Variants in MCRIP1 observed in about 807,000 individuals in gnomAD.
The protein encoded by MCRIP1 is mapk-regulated corepressor-interacting protein 1.
MCRIP1 carries 10 observed loss-of-function variants against 14.4 expected under a neutral mutation model. The ratio of observed to expected loss-of-function variants is 0.70; its 90% CI spans 0.43 to 1.18. The LOEUF (loss-of-function observed/expected upper bound fraction) is 1.18. Ranked by LOEUF, MCRIP1 falls within the 50% of genes most tolerant of loss-of-function variation. The pLI is 0.00. For missense variants in MCRIP1, 119 were observed against 135.4 expected (o/e 0.88, Z 0.60); for synonymous variants, 53 against 55.7 (o/e 0.95, Z 0.21).
At chr17:81,825,593 G>A (rs1451827012) in intron 1 of MCRIP1, 8 of 1,289,188 alleles carry the variant, frequency 6.2e-6, no homozygotes, top group Middle Eastern at 2.1e-4. Flanking sequence ...GGCTCATTCC[G>A]CCTCATGTCA....
In MCRIP1 at chr17:81,822,603, C is replaced by T. The variant is rs1187469706; in HGVS notation, c.*644G>A. 6.5e-6 allele frequency: 1 copy of T among 153,478 alleles called. No individual in the cohort carries two copies. Among genetic ancestry groups the T allele is most frequent in the Non-Finnish European group, 1.4e-5 (1 of 68,986 alleles). 9.5% of individuals were successfully genotyped at this position (153,478 alleles called of 1,614,324 possible). ...CCCTGCCCAGGGGCCACTGTGACCG[C>T]AGACACCAGGAGGCCAGGCCTGGTT... is the stretch of plus-strand genomic sequence containing the variant. On this transcript the variant is annotated 3_prime_UTR_variant, in exon 5 of 5. Transcript: ENST00000455127.
Position 81,823,062 on chromosome 17 carries a change from C to G in MCRIP1, c.*185G>C, listed in dbSNP as rs2038303288. The G allele has an allele frequency of 2.0e-5, 13 of 651,852 alleles. No homozygotes were observed. The South Asian group carries it at 2.3e-4, about 12-fold the overall frequency. The allele number at this position is 651,852 out of a possible 1,614,324, so 40.4% of individuals were successfully genotyped here. On this transcript the variant is annotated 3_prime_UTR_variant, in exon 5 of 5. Coordinates refer to ENST00000455127, the MANE Select transcript of MCRIP1 (RefSeq NM_207368.5). This position sits in a 1 kb window ranked among gnomAD's most constrained non-coding sequence, Gnocchi z 6.0. ...CCCCATGATGGGGGCAGCCTGAGAC[C>G]CCCAAGGATGAAGGAAGGGGGCTTG...
intron 1 of MCRIP1, 100 bp downstream of exon 1, chr17:81,833,128 CGCCCGGCCCT>C (rs1219737686): frequency 6.8e-6 from 1 of 146,968 alleles, no homozygotes; most frequent in Non-Finnish European, 1.5e-5. Context: ...CGCCCGGCCC[CGCCCGGCCCT>C]GCAGGGCACC....
Position 81,822,947 on chromosome 17 carries a change from G to C in MCRIP1, c.*300C>G. On this transcript the variant is annotated 3_prime_UTR_variant, in exon 5 of 5. Coordinates refer to ENST00000455127, the MANE Select transcript of MCRIP1 (RefSeq NM_207368.5). ...GGCAGGAGGGTGAGGGGAGAGGAGAGAGGTCAGGTCAGGGCCCCTGGGGGC... is the reference window on the plus strand; with the variant it reads ...GGCAGGAGGGTGAGGGGAGAGGAGACAGGTCAGGTCAGGGCCCCTGGGGGC... The C allele has an allele frequency of 1.8e-6, 1 of 557,704 alleles. No individual in the cohort carries two copies. 34.5% of individuals were successfully genotyped at this position (557,704 alleles called of 1,614,324 possible).
rs143676852 is a variant in MCRIP1, at chr17:81,828,921, G to C, written c.-49+4317C>G. On this transcript the variant is annotated intron_variant, in intron 1 of 4. Transcript: ENST00000455127. ...TAGCATAGTGAGGCACACAGCTGAG[G>C]GGGGAGGGCAGGAAGTGTGGCTGGC... Among the ~76,000 whole-genome samples, 837 of 152,302 alleles carry C rather than the reference G, an allele frequency of 5.5e-3. 5 individuals are homozygous for C. The highest frequency in any genetic ancestry group is 0.019 in the African/African-American group (773 of 41,564).
At chr17:81,831,377 G>T (rs1160904341) in intron 1 of MCRIP1, among the ~76,000 whole-genome samples, 1 of 144,900 alleles carries the variant, frequency 6.9e-6, no homozygotes, top group African/African-American at 2.7e-5. Flanking sequence ...AAACAAAAAA[G>T]GGCCCCATCT....
intron 1 of MCRIP1, chr17:81,825,083 C>A: frequency 2.0e-6 from 2 of 1,013,578 alleles, no homozygotes; most frequent in Non-Finnish European, 2.4e-6. Flanking sequence ...CCCAGCTCCC[C>A]GGCACCTACC....
At position 81,825,501 on chromosome 17, in the gene MCRIP1, G is replaced by A. The variant is rs545318021; in HGVS notation, c.-48-947C>T. 35 of 1,224,130 alleles carry A rather than the reference G, an allele frequency of 2.9e-5. No homozygotes were observed. In the South Asian group the frequency reaches 4.8e-4, roughly 17 times the overall value. The allele number at this position is 1,224,130 out of a possible 1,614,324, so 75.8% of individuals were successfully genotyped here. On this transcript the variant is annotated intron_variant, in intron 1 of 4. Coordinates refer to ENST00000455127, the MANE Select transcript of MCRIP1 (RefSeq NM_207368.5). ...CAAGCAACTCCCCTGCCCACCCAGA[G>A]GCCCAAGGCTGCAGATACTCCAGGG...
In MCRIP1 at chr17:81,823,486, C is replaced by T. The variant is rs1457454419; in HGVS notation, c.155G>A (p.Arg52Gln). ...EAWQGVERDL[R>Q]GQVPGGERGL... ...CCGCTCGCCACCCGGCACCTGGCCT[C>T]GCAGGTCTCGCTCCACACCCTGCCA... The change falls in exon 4 of 5, where the codon CGA becomes CAA. Residue 52 changes from arginine (R) to glutamine (Q), a missense_variant. Coordinates refer to ENST00000455127, the MANE Select transcript of MCRIP1 (RefSeq NM_207368.5). This position sits in a 1 kb window ranked among gnomAD's most constrained non-coding sequence, Gnocchi z 6.0. 2.0e-5 allele frequency: 30 copies of T among 1,536,386 alleles called. No homozygotes were observed. Among genetic ancestry groups the T allele is most frequent in the Admixed American group, 3.9e-5 (2 of 50,968 alleles).
chr17:81,824,705 G>A (rs2038352662), intron 1 of MCRIP1, 151 bp from the exon 2 acceptor site: 3 of 1,457,050 alleles, frequency 2.1e-6, no homozygotes, highest in South Asian at 1.4e-5. Context: ...CACAGGCTGG[G>A]GTCCAGCCAC....
rs1230888573 is a variant in MCRIP1, at chr17:81,823,149, G to A, written c.*98C>T. 6 of 1,201,420 alleles carry A rather than the reference G, an allele frequency of 5.0e-6. No individual in the cohort carries two copies. Among genetic ancestry groups the A allele is most frequent in the Non-Finnish European group, 7.1e-6 (6 of 844,374 alleles). The allele number at this position is 1,201,420 out of a possible 1,614,324, so 74.4% of individuals were successfully genotyped here. A position where few individuals can be genotyped will look rare whatever the true frequency, so the allele number is the denominator to read the frequency against. Reference sequence around the variant, plus strand: ...GTGCTGGGATCTGCAGCCCGCTGGAGCAAGGCACCCCCATCCCAGGGGCAG... The same window carrying A: ...GTGCTGGGATCTGCAGCCCGCTGGAACAAGGCACCCCCATCCCAGGGGCAG... On this transcript the variant is annotated 3_prime_UTR_variant, in exon 5 of 5. Coordinates refer to ENST00000455127, the MANE Select transcript of MCRIP1 (RefSeq NM_207368.5). The surrounding 1 kb of genome is among the most constrained non-coding windows in gnomAD (Gnocchi z 6.0).
Position 81,823,245 on chromosome 17 carries a change from C to T in MCRIP1, c.*2G>A. 6.5e-7 allele frequency: 1 copy of T among 1,536,442 alleles called. No homozygotes were observed. Among genetic ancestry groups the T allele is most frequent in the Non-Finnish European group, 8.7e-7 (1 of 1,146,786 alleles). On this transcript the variant is annotated 3_prime_UTR_variant, in exon 5 of 5. Coordinates refer to ENST00000455127, the MANE Select transcript of MCRIP1 (RefSeq NM_207368.5). The surrounding 1 kb of genome is among the most constrained non-coding windows in gnomAD (Gnocchi z 6.0). ...GGAGGCCGGGGAGGGGCACCGGGCG[C>T]TCTAGGACTTCTTGGCATCCTGCGT...
chr17:81,824,007 C>T (rs1159308506), intron 3 of MCRIP1, among the ~76,000 whole-genome samples: 1 of 152,204 alleles, frequency 6.6e-6, no homozygotes. Flanking sequence ...GGATGACTGG[C>T]TCCCAGTGCG....
chr17:81,826,043 C>A (rs1363073063), intron 1 of MCRIP1: 1 of 1,432,114 alleles, frequency 7.0e-7, no homozygotes, highest in Non-Finnish European at 9.3e-7. Flanking sequence ...CCAGCCTGCC[C>A]TCTCCCGTGG....
intron 1 of MCRIP1, chr17:81,824,896 A>C (rs1598249377): frequency 8.5e-7 from 1 of 1,180,408 alleles, no homozygotes; most frequent in Non-Finnish European, 1.1e-6. Context: ...GCCCCTCCCC[A>C]CGTGGGCTGG....
intron 1 of MCRIP1, among the ~76,000 whole-genome samples, chr17:81,829,396 C>T (rs2038475104): frequency 6.6e-6 from 1 of 152,224 alleles, no homozygotes; most frequent in Non-Finnish European, 1.5e-5. Flanking sequence ...GAGGGTCAGG[C>T]GATGCCTCGG....
chr17:81,828,529 G>C (rs1246655586), intron 1 of MCRIP1, among the ~76,000 whole-genome samples: 1 of 152,146 alleles, frequency 6.6e-6, no homozygotes, highest in Admixed American at 6.5e-5. Flanking sequence ...ATGCGTACAA[G>C]GACAGCTGGA....
At position 81,826,096 on chromosome 17, in the gene MCRIP1, C is replaced by T. The variant is rs766486783; in HGVS notation, c.-48-1542G>A. On this transcript the variant is annotated intron_variant, in intron 1 of 4. Coordinates refer to ENST00000455127, the MANE Select transcript of MCRIP1 (RefSeq NM_207368.5). ...CCTCTGCCTCCAGTGGCCACTTGGC[C>T]TTTATGCAGCCACACCTTTGGCCTG... 41 of 1,478,054 alleles carry T rather than the reference C, an allele frequency of 2.8e-5. No homozygotes were observed. In the South Asian group the frequency reaches 5.0e-4, roughly 18 times the overall value. 91.6% of individuals were successfully genotyped at this position (1,478,054 alleles called of 1,614,324 possible).
rs1012450912 is a variant in MCRIP1, at chr17:81,823,826, C to T, written c.128-313G>A. The T allele has an allele frequency of 1.8e-5, 10 of 568,566 alleles. No homozygotes were observed. Among genetic ancestry groups the T allele is most frequent in the South Asian group, 1.5e-4 (7 of 45,816 alleles). The allele number at this position is 568,566 out of a possible 1,614,324, so 35.2% of individuals were successfully genotyped here. A position where few individuals can be genotyped will look rare whatever the true frequency, so the allele number is the denominator to read the frequency against. On this transcript the variant is annotated intron_variant, in intron 3 of 4. Coordinates refer to ENST00000455127, the MANE Select transcript of MCRIP1 (RefSeq NM_207368.5). The surrounding 1 kb of genome is among the most constrained non-coding windows in gnomAD (Gnocchi z 6.0). The stretch of plus-strand genomic sequence containing the variant: ...CCTCCTCAGCTAGGCCTCTATCTTT[C>T]CCACCTCATCCACGCACCTCCCCGG...
Sources: gnomAD v4.1 joint callset for allele counts (sites outside exome capture counted in the v4.1 genomes callset) on GRCh38, gnomAD v4.1.1 for gene constraint, Gnocchi (gnomAD v3.1) non-coding constraint, MANE v1.5 for transcripts, NCBI Gene and HGNC (gene_info 2026-07-23, HGNC 2026-07-21) for gene names.